Variants in PCLO observed in about 807,000 individuals in gnomAD.
The protein encoded by PCLO is piccolo presynaptic cytomatrix protein, also known as protein piccolo.
In PCLO, 82 loss-of-function variants were observed where a neutral mutation model predicts 427.5. That is an observed-to-expected ratio of 0.19 (90% CI 0.16 to 0.23). The LOEUF (loss-of-function observed/expected upper bound fraction) is 0.23. PCLO is among the 10% of genes least tolerant of loss of function. The pLI is 1.00. For synonymous variants in PCLO, 2,357 were observed against 2,155.4 expected (o/e 1.09, Z -2.59); for missense variants, 6,239 against 6,115.9 (o/e 1.02, Z -0.67).
At chr7:83,146,679 C>T (rs1043500494) in intron 2 of PCLO, among the ~76,000 whole-genome samples, 3 of 151,732 alleles carry the variant, frequency 2.0e-5, no homozygotes, top group Non-Finnish European at 4.4e-5. Context: ...TCACTGCAAC[C>T]TCTGCCTCTC....
In PCLO at chr7:82,838,353, G is replaced by C; in HGVS notation, c.14098-11C>G. On this transcript the variant is annotated splice_polypyrimidine_tract_variant and intron_variant, in intron 14 of 24. Coordinates refer to ENST00000333891, the MANE Select transcript of PCLO (RefSeq NM_033026.6). ...ATAGTTAATTTGAAGCTTTAGGAGA[G>C]AGAAAAATATTCCATAAGTTTTTAA... 7.1e-7 allele frequency: 1 copy of C among 1,405,160 alleles called. No individual in the cohort carries two copies. Among genetic ancestry groups the C allele is most frequent in the Non-Finnish European group, 9.7e-7 (1 of 1,027,526 alleles). The allele number at this position is 1,405,160 out of a possible 1,614,324, so 87.0% of individuals were successfully genotyped here.
At chr7:82,801,020 C>T (rs149162089) in intron 22 of PCLO, among the ~76,000 whole-genome samples, 14 of 151,338 alleles carry the variant, frequency 9.3e-5, no homozygotes, top group Middle Eastern at 6.8e-3. Context: ...TTTAATAAAA[C>T]GAAATTTGAA....
chr7:82,845,252 T>C lies in PCLO; in HGVS notation c.14046+19A>G. The stretch of plus-strand genomic sequence containing the variant: ...AGCTAGAAAACAAGTGGGTCAGAGG[T>C]CACATCAACAATCCTCACCTTGCTG... On this transcript the variant is annotated intron_variant, in intron 13 of 24. Coordinates refer to ENST00000333891, the MANE Select transcript of PCLO (RefSeq NM_033026.6). 1.3e-6 allele frequency: 2 copies of C among 1,577,946 alleles called. No homozygotes were observed. The highest frequency in any genetic ancestry group is 2.2e-5 in the South Asian group (2 of 90,326).
At chr7:82,801,658 T>G in intron 21 of PCLO, 67 bp from the exon 22 acceptor site, 1 of 943,368 alleles carries the variant, frequency 1.1e-6, no homozygotes, top group Admixed American at 2.2e-5. Context: ...AGGCTAAATT[T>G]GCATAAATAA....
At position 82,917,438 on chromosome 7, in the gene PCLO, A is replaced by C. The variant is rs562742567; in HGVS notation, c.11113-565T>G. On this transcript the variant is annotated intron_variant, in intron 6 of 24. Transcript: ENST00000333891. ...ATAGTTTCTTTTTAATGCTCTAGTA[A>C]CTTCCATATGAAGCAAAAAGAACTG... Among the ~76,000 whole-genome samples the C allele has an allele frequency of 6.6e-5, 10 of 152,140 alleles. No individual in the cohort carries two copies. The South Asian group carries it at 1.5e-3, about 22-fold the overall frequency.
At position 83,117,571 on chromosome 7, in the gene PCLO, G is replaced by A. The variant is rs945135501; in HGVS notation, c.3300+16679C>T. Among the ~76,000 whole-genome samples the A allele has an allele frequency of 4.6e-5, 7 of 152,110 alleles. 1 individual carries two copies. Among genetic ancestry groups the A allele is most frequent in the Admixed American group, 1.3e-4 (2 of 15,252 alleles). ...CTCTCTCTGGGACAAAATCGAGCTC[G>A]CTTACTGCTGCTATCAAAGAGGTGG... is the stretch of plus-strand genomic sequence containing the variant. On this transcript the variant is annotated intron_variant, in intron 3 of 24. Transcript: ENST00000333891.
intron 3 of PCLO, among the ~76,000 whole-genome samples, chr7:82,984,482 GA>G (rs369905306): frequency 5.9e-4 from 88 of 150,268 alleles, no homozygotes; most frequent in African/African-American, 2.0e-3. Flanking sequence ...TTAAAAGGGG[GA>G]AAAATAAGCA....
rs151251555 is a variant in PCLO, at chr7:82,881,011, G to T, written c.13529-1549C>A. On this transcript the variant is annotated intron_variant, in intron 9 of 24. Transcript: ENST00000333891. ...TTTAAAAATAGTTTTTCTTTTCCCAGCAAGTCCATATCAGAACTGAGAATC... is the reference window on the plus strand; with the variant it reads ...TTTAAAAATAGTTTTTCTTTTCCCATCAAGTCCATATCAGAACTGAGAATC... 6.8e-4 allele frequency among the ~76,000 whole-genome samples: 104 copies of T among 152,212 alleles called. 1 individual carries two copies. Among genetic ancestry groups the T allele is most frequent in the African/African-American group, 2.4e-3 (100 of 41,558 alleles).
chr7:82,961,752 A>G (rs1795660887), intron 4 of PCLO, among the ~76,000 whole-genome samples: 1 of 152,218 alleles, frequency 6.6e-6, no homozygotes, highest in South Asian at 2.1e-4. Flanking sequence ...CCAACTATAA[A>G]GAGAAGTTAC....
chr7:82,888,631 C>A (rs1461066236), intron 9 of PCLO, among the ~76,000 whole-genome samples: 1 of 151,926 alleles, frequency 6.6e-6, no homozygotes, highest in South Asian at 2.1e-4. Context: ...ACTTAATAAA[C>A]GAAGCTATAT....
intron 22 of PCLO, among the ~76,000 whole-genome samples, chr7:82,781,082 A>G (rs978947157): frequency 1.3e-5 from 2 of 152,006 alleles, no homozygotes; most frequent in Non-Finnish European, 2.9e-5. Flanking sequence ...AACAAATAAG[A>G]GAAATAAATA....
At chr7:82,912,125 T>G (rs2116246430) in intron 7 of PCLO, among the ~76,000 whole-genome samples, 1 of 152,218 alleles carries the variant, frequency 6.6e-6, no homozygotes, top group East Asian at 1.9e-4. Context: ...CAATTAAATT[T>G]GTTTTGTTCA....
intron 22 of PCLO, among the ~76,000 whole-genome samples, chr7:82,794,304 C>A (rs1339030866): frequency 6.6e-6 from 1 of 151,694 alleles, no homozygotes; most frequent in Non-Finnish European, 1.5e-5. Context: ...TTTCATCTCT[C>A]CCTTTTCTGT....
rs538920058 is a variant in PCLO, at chr7:83,149,956, C to T, written c.1893+4792G>A. Among the ~76,000 whole-genome samples, 13 of 152,128 alleles carry T rather than the reference C, an allele frequency of 8.5e-5. No individual in the cohort carries two copies. The South Asian group carries it at 1.7e-3, about 19-fold the overall frequency. ...TGGTTTTGTTAGACAAAATATCTGG[C>T]TTCTGCCAAAAGACTTATATATGTG... On this transcript the variant is annotated intron_variant, in intron 2 of 24. Transcript: ENST00000333891.
chr7:83,071,905 A>T (rs1339230472), intron 3 of PCLO, among the ~76,000 whole-genome samples: 1 of 152,152 alleles, frequency 6.6e-6, no homozygotes, highest in East Asian at 1.9e-4. Flanking sequence ...TCTGCTTAAG[A>T]TCTATCTGAA....
chr7:83,108,481 C>T (rs1790923721), intron 3 of PCLO, among the ~76,000 whole-genome samples: 1 of 152,012 alleles, frequency 6.6e-6, no homozygotes, highest in Non-Finnish European at 1.5e-5. Context: ...ACTGTATGTG[C>T]TGTCAAAACT....
intron 18 of PCLO, among the ~76,000 whole-genome samples, chr7:82,825,651 A>AGTATATATACATTGTATATATAACGT (rs1292056264): frequency 2.0e-5 from 3 of 148,238 alleles, no homozygotes; most frequent in African/African-American, 7.3e-5. Flanking sequence ...TAATATGTAT[A>AGTATATATACATTGTATATATAACGT]GTATATATAC....
chr7:83,092,672 A>T (rs1357942010), intron 3 of PCLO, among the ~76,000 whole-genome samples: 3 of 152,116 alleles, frequency 2.0e-5, no homozygotes, highest in African/African-American at 7.2e-5. Flanking sequence ...GAAGCAGGCC[A>T]GGCACGGTGG....
chr7:82,926,951 T>G (rs1794726112), intron 6 of PCLO, among the ~76,000 whole-genome samples: 1 of 152,284 alleles, frequency 6.6e-6, no homozygotes, highest in Non-Finnish European at 1.5e-5. Flanking sequence ...CAGACGGCTA[T>G]ACTACAACAA....
Sources: gnomAD v4.1 joint callset for allele counts (sites outside exome capture counted in the v4.1 genomes callset) on GRCh38, gnomAD v4.1.1 for gene constraint, MANE v1.5 for transcripts, NCBI Gene and HGNC (gene_info 2026-07-23, HGNC 2026-07-21) for gene names.